IQCM: variants seen among roughly 807,000 people sequenced by gnomAD.
IQCM encodes IQ motif containing M, also known as IQ domain-containing protein M.
In IQCM, 45 loss-of-function variants were observed where a neutral mutation model predicts 57.6. The ratio of observed to expected loss-of-function variants is 0.78; its 90% confidence interval spans 0.62 to 1.00. The LOEUF (loss-of-function observed/expected upper bound fraction) is 1.00, where lower values mean the gene tolerates loss of function less well. Among genes scored for constraint, IQCM ranks in the 50% least tolerant of loss-of-function variants. IQCM has a pLI of 0.00. For missense variants in IQCM, 468 were observed against 511.6 expected, an observed-to-expected ratio of 0.91 and a Z score of 0.82; for synonymous variants, 148 against 158.9, an observed-to-expected ratio of 0.93 and a Z score of 0.51.
chr4:149,743,709 G>A (rs1293002706), intron 2 of IQCM, among the ~76,000 whole-genome samples: 1 of 152,172 alleles, frequency 6.6e-6, no homozygotes, highest in Non-Finnish European at 1.5e-5. Context: ...TCCCAGCTCA[G>A]TGCATTGCAT....
chr4:149,769,601 A>T (rs1770379713), intron 2 of IQCM, among the ~76,000 whole-genome samples: 1 of 152,026 alleles, frequency 6.6e-6, no homozygotes. Flanking sequence ...AAGGTAGACC[A>T]CGCCACAGTA....
chr4:149,592,746 T>G (rs924861808), intron 8 of IQCM, among the ~76,000 whole-genome samples: 1 of 152,146 alleles, frequency 6.6e-6, no homozygotes, highest in Admixed American at 6.6e-5. Context: ...TTGTCAGGTT[T>G]GTCAAAGATC....
intron 2 of IQCM, among the ~76,000 whole-genome samples, chr4:149,798,818 A>G (rs1424454052): frequency 1.3e-5 from 2 of 151,992 alleles, no homozygotes; most frequent in Non-Finnish European, 2.9e-5. Flanking sequence ...ATACTTTAGC[A>G]TTTAGATATA....
chr4:149,748,095 C>A (rs1285827905), intron 2 of IQCM, among the ~76,000 whole-genome samples: 1 of 152,106 alleles, frequency 6.6e-6, no homozygotes, highest in Non-Finnish European at 1.5e-5. Flanking sequence ...TTTAAAGAAA[C>A]TCTGTCTCAG....
At chr4:149,582,927 A>C (rs986275220) in intron 9 of IQCM, among the ~76,000 whole-genome samples, 1 of 151,646 alleles carries the variant, frequency 6.6e-6, no homozygotes, top group Non-Finnish European at 1.5e-5. Flanking sequence ...CAGGAAAAAA[A>C]AAATGGTGAC....
chr4:149,625,480 G>T (rs1272814977), intron 7 of IQCM, among the ~76,000 whole-genome samples: 1 of 152,144 alleles, frequency 6.6e-6, no homozygotes, highest in Non-Finnish European at 1.5e-5. Context: ...GTGTAACATA[G>T]GAGGCTTCAG....
chr4:149,417,428 G>A (rs952511474), intron 13 of IQCM, among the ~76,000 whole-genome samples: 2 of 152,112 alleles, frequency 1.3e-5, no homozygotes, highest in Non-Finnish European at 2.9e-5. Flanking sequence ...AGGACATGGT[G>A]CTGTGAAGCT....
intron 12 of IQCM, among the ~76,000 whole-genome samples, chr4:149,540,757 C>T (rs1000823777): frequency 6.6e-6 from 1 of 152,016 alleles, no homozygotes; most frequent in African/African-American, 2.4e-5. Flanking sequence ...TTATAAGATC[C>T]TTATAAGAAC....
At chr4:149,786,711 A>G (rs1482413065) in intron 2 of IQCM, among the ~76,000 whole-genome samples, 1 of 152,168 alleles carries the variant, frequency 6.6e-6, no homozygotes, top group African/African-American at 2.4e-5. Flanking sequence ...GAGAAATAAG[A>G]ATGCTTTTAC....
At chr4:149,623,213 T>C (rs1010398390) in intron 7 of IQCM, among the ~76,000 whole-genome samples, 9 of 152,112 alleles carry the variant, frequency 5.9e-5, no homozygotes, top group Admixed American at 5.9e-4. Flanking sequence ...GATTAAAAAA[T>C]GAATTGTCTG....
chr4:149,479,369 C>G (rs1740537567), intron 12 of IQCM, among the ~76,000 whole-genome samples: 1 of 152,036 alleles, frequency 6.6e-6, no homozygotes, highest in African/African-American at 2.4e-5. Flanking sequence ...TTGGGCATAC[C>G]CCTTAAATTT....
intron 13 of IQCM, among the ~76,000 whole-genome samples, chr4:149,357,038 T>C (rs1462752690): frequency 6.6e-6 from 1 of 152,340 alleles, no homozygotes; most frequent in South Asian, 2.1e-4. Flanking sequence ...ATGATTTGGC[T>C]CTCTGTTTGT....
At chr4:149,393,656 T>C in intron 13 of IQCM, among the ~76,000 whole-genome samples, 1 of 151,814 alleles carries the variant, frequency 6.6e-6, no homozygotes, top group East Asian at 1.9e-4. Flanking sequence ...AACAATATAG[T>C]TACAACAAAA....
intron 2 of IQCM, among the ~76,000 whole-genome samples, chr4:149,750,556 A>C (rs1270135390): frequency 6.6e-6 from 1 of 152,218 alleles, no homozygotes; most frequent in East Asian, 1.9e-4. Context: ...TTTTATGAAG[A>C]GTCCCGTATC....
chr4:149,659,819 CA>C (rs1760006438), intron 7 of IQCM, among the ~76,000 whole-genome samples: 1 of 151,508 alleles, frequency 6.6e-6, no homozygotes, highest in Non-Finnish European at 1.5e-5. Flanking sequence ...ACACCTGATA[CA>C]AAAATTAATT....
intron 7 of IQCM, among the ~76,000 whole-genome samples, chr4:149,660,667 T>A (rs1015988605): frequency 6.6e-6 from 1 of 151,880 alleles, no homozygotes; most frequent in African/African-American, 2.4e-5. Flanking sequence ...AAAGGATGAG[T>A]TCATGTCCTT....
chr4:149,401,706 G>C (rs1732631324), intron 13 of IQCM, among the ~76,000 whole-genome samples: 2 of 151,732 alleles, frequency 1.3e-5, no homozygotes, highest in African/African-American at 4.8e-5. Context: ...TGGTTAGGTA[G>C]ATATTTTGCT....
intron 9 of IQCM, among the ~76,000 whole-genome samples, chr4:149,582,176 A>ATG (rs1282069800): frequency 6.7e-6 from 1 of 150,280 alleles, no homozygotes; most frequent in Non-Finnish European, 1.5e-5. Context: ...CATCCTGAAG[A>ATG]CATTACTTGA....
At chr4:149,714,925 A>G (rs1764864100) in intron 5 of IQCM, among the ~76,000 whole-genome samples, 1 of 152,204 alleles carries the variant, frequency 6.6e-6, no homozygotes, top group Non-Finnish European at 1.5e-5. Flanking sequence ...GCAAGATTTC[A>G]TCTCCCTACT....
Sources: gnomAD v4.1 joint callset for allele counts (sites outside exome capture counted in the v4.1 genomes callset) on GRCh38, gnomAD v4.1.1 for gene constraint, MANE v1.5 for transcripts, NCBI Gene and HGNC (gene_info 2026-07-23, HGNC 2026-07-21) for gene names.